Variants in EZH2 observed in about 807,000 individuals in gnomAD.
EZH2 encodes enhancer of zeste 2 polycomb repressive complex 2 subunit, also known as histone-lysine N-methyltransferase EZH2.
EZH2 carries 18 observed loss-of-function variants against 98.4 expected under a neutral mutation model. The ratio of observed to expected loss-of-function variants is 0.18; its 90% CI spans 0.13 to 0.27. The LOEUF (loss-of-function observed/expected upper bound fraction) is 0.27, where lower values mean the gene tolerates loss of function less well. Ranked by LOEUF, EZH2 falls within the 10% of genes least tolerant of loss-of-function variation. The pLI, the probability that EZH2 is intolerant of heterozygous loss-of-function variation, is 1.00. For synonymous variants in EZH2, 338 were observed against 312.3 expected (o/e 1.08, Z -0.87); for missense variants, 470 against 935.1 (o/e 0.50, Z 6.49).
rs748881134 is a variant in EZH2 at position 148,811,585 on chromosome 7, A to G, written c.1947+40T>C. ...CAATCTAAAATAAAGTAAAGTTAGT[A>G]TATACAATGCCACCTGAATACAGGT... On this transcript the variant is annotated intron_variant, in intron 16 of 19. Coordinates refer to ENST00000320356, the MANE Select transcript of EZH2 (RefSeq NM_004456.5). The G allele has an allele frequency of 3.4e-6, 5 of 1,487,936 alleles. No homozygotes were observed. The Admixed American group carries it at 8.4e-5, about 25-fold the overall frequency. 92.2% of individuals were successfully genotyped at this position (1,487,936 alleles called of 1,614,324 possible). A position where few individuals can be genotyped will look rare whatever the true frequency, so the allele number is the denominator to read the frequency against.
chr7:148,870,362 A>G (rs1819174738), intron 1 of EZH2, among the ~76,000 whole-genome samples: 1 of 152,146 alleles, frequency 6.6e-6, no homozygotes, highest in Non-Finnish European at 1.5e-5. Flanking sequence ...AATTTTATGA[A>G]TAAGGATTGC....
Position 148,846,612 on chromosome 7 carries a change from AT to A in EZH2, c.118-15del, listed in dbSNP as rs1460247950. ...ACTAAACATACTCTTAAAAAAAAAA[AT>A]GAAGGAGAGGAAAGGAGAAATTGTT... On this transcript the variant is annotated splice_polypyrimidine_tract_variant and intron_variant, in intron 2 of 19. Transcript: ENST00000320356. 14 of 1,480,330 alleles carry A rather than the reference AT, an allele frequency of 9.5e-6. No individual in the cohort carries two copies. The highest frequency in any genetic ancestry group is 8.7e-5 in the African/African-American group (6 of 68,876). 91.7% of individuals were successfully genotyped at this position (1,480,330 alleles called of 1,614,324 possible).
chr7:148,873,557 AT>A (rs58553084), intron 1 of EZH2, among the ~76,000 whole-genome samples: 5,259 of 79,914 alleles, frequency 0.066, 29 homozygotes, highest in African/African-American at 0.097. Context: ...CATGCTCTTC[AT>A]TTTTTTTTTT....
chr7:148,872,958 T>C (rs1819629891), intron 1 of EZH2, among the ~76,000 whole-genome samples: 1 of 152,120 alleles, frequency 6.6e-6, no homozygotes, highest in Non-Finnish European at 1.5e-5. Context: ...ATCCCAGCTT[T>C]GGGAGGACAA....
intron 1 of EZH2, among the ~76,000 whole-genome samples, chr7:148,866,606 T>C (rs1818547373): frequency 7.0e-6 from 1 of 142,856 alleles, no homozygotes; most frequent in South Asian, 2.1e-4. Flanking sequence ...CTATATATTA[T>C]ATATAATATA....
rs1191332048 is a variant in EZH2 at position 148,881,991 on chromosome 7, CACACACACAT to C, written c.-8+2163_-8+2172del. ...GCGCGCGCACACACACACACACACA[CACACACACAT>C]ATGTATCCTAAAATATCCGAATTTC... On this transcript the variant is annotated intron_variant, in intron 1 of 19. Transcript: ENST00000320356. 1.8e-3 allele frequency among the ~76,000 whole-genome samples: 267 copies of C among 149,680 alleles called. 1 individual carries two copies. The highest frequency in any genetic ancestry group is 3.5e-3 in the Middle Eastern group (1 of 286).
chr7:148,823,530 TA>T (rs1047988916), intron 8 of EZH2, among the ~76,000 whole-genome samples: 4 of 151,718 alleles, frequency 2.6e-5, no homozygotes, highest in Non-Finnish European at 4.4e-5. Flanking sequence ...AAAGAAACTG[TA>T]AAAAAAATAC....
At chr7:148,850,638 ACT>A (rs1208877726) in intron 1 of EZH2, among the ~76,000 whole-genome samples, 6 of 152,098 alleles carry the variant, frequency 3.9e-5, no homozygotes, top group Admixed American at 3.9e-4. Context: ...CATGTATTTC[ACT>A]CTATTCCCAC....
chr7:148,822,593 T>A (rs1160942500), intron 8 of EZH2, among the ~76,000 whole-genome samples: 3 of 151,232 alleles, frequency 2.0e-5, no homozygotes, highest in Non-Finnish European at 4.4e-5. Context: ...TCAAAAAACC[T>A]AATTTCCTGA....
At chr7:148,831,120 T>G (rs201404520) in intron 4 of EZH2, among the ~76,000 whole-genome samples, 3 of 152,062 alleles carry the variant, frequency 2.0e-5, no homozygotes, top group East Asian at 3.9e-4. Flanking sequence ...ACAGGACTAG[T>G]AGCAGCCAGG....
chr7:148,852,609 C>A (rs1816037277), intron 1 of EZH2, among the ~76,000 whole-genome samples: 1 of 152,130 alleles, frequency 6.6e-6, no homozygotes. Context: ...TAGGTCTAAA[C>A]CTGGAAAAAT....
intron 1 of EZH2, among the ~76,000 whole-genome samples, chr7:148,876,803 T>C (rs1820237485): frequency 1.3e-5 from 2 of 152,184 alleles, no homozygotes; most frequent in African/African-American, 2.4e-5. Context: ...GTCTCCCTTA[T>C]ATGTTCTTCA....
intron 8 of EZH2, among the ~76,000 whole-genome samples, chr7:148,822,550 CAAAT>C (rs1370919535): frequency 6.6e-6 from 1 of 150,846 alleles, no homozygotes; most frequent in Non-Finnish European, 1.5e-5. Context: ...GGACTTTTAC[CAAAT>C]AAACTTGAAA....
chr7:148,866,696 A>G (rs1818597106), intron 1 of EZH2, among the ~76,000 whole-genome samples: 1 of 143,792 alleles, frequency 7.0e-6, no homozygotes, highest in South Asian at 2.1e-4. Flanking sequence ...ATATATATAT[A>G]CATATATGCA....
chr7:148,810,121 T>G (rs991738453), intron 17 of EZH2: 3 of 438,128 alleles, frequency 6.8e-6, no homozygotes, highest in Non-Finnish European at 1.3e-5. Flanking sequence ...CAGCCGGGAC[T>G]CCAGAGAGGC....
intron 15 of EZH2, among the ~76,000 whole-genome samples, chr7:148,812,768 G>A (rs1412030767): frequency 6.6e-6 from 1 of 152,134 alleles, no homozygotes; most frequent in Admixed American, 6.5e-5. Flanking sequence ...CAGAGTCACT[G>A]TGATCCAATG....
intron 1 of EZH2, among the ~76,000 whole-genome samples, chr7:148,881,902 C>A (rs1336565000): frequency 2.0e-5 from 3 of 150,622 alleles, no homozygotes; most frequent in Admixed American, 6.6e-5. Context: ...CCACTGCACT[C>A]CAGCCTGGAC....
chr7:148,883,796 T>C (rs1458189469), intron 1 of EZH2, among the ~76,000 whole-genome samples: 2 of 151,438 alleles, frequency 1.3e-5, no homozygotes, highest in Non-Finnish European at 2.9e-5. Flanking sequence ...CAAAGGAGAC[T>C]TGAGGCTCGA....
At chr7:148,862,647 G>GT (rs1374632646) in intron 1 of EZH2, among the ~76,000 whole-genome samples, 2 of 152,096 alleles carry the variant, frequency 1.3e-5, no homozygotes, top group African/African-American at 4.8e-5. Flanking sequence ...ACTTAATCAC[G>GT]TAAGTGCTTT....
Sources: allele counts gnomAD v4.1 joint callset (sites outside exome capture counted in the v4.1 genomes callset), GRCh38; gene constraint gnomAD v4.1.1; transcripts MANE v1.5; gene names NCBI Gene and HGNC (gene_info 2026-07-23, HGNC 2026-07-21).